NEFM: variants seen among roughly 807,000 people sequenced by gnomAD.
The protein encoded by NEFM is neurofilament medium polypeptide.
In NEFM, 16 loss-of-function variants were observed where a neutral mutation model predicts 48.1. That is an observed-to-expected ratio of 0.33 (90% confidence interval 0.23 to 0.51). The LOEUF is 0.51. Among genes scored for constraint, NEFM ranks in the 20% least tolerant of loss-of-function variants. The pLI is 0.98. For synonymous variants in NEFM, 465 were observed against 456.9 expected (o/e 1.02, Z -0.23); for missense variants, 1,107 against 1,136.0 (o/e 0.97, Z 0.37).
In NEFM at chr8:24,918,584, A is replaced by G; in HGVS notation, c.2729A>G (p.Lys910Arg). 4.3e-6 allele frequency: 7 copies of G among 1,611,914 alleles called. No homozygotes were observed. The highest frequency in any genetic ancestry group is 3.4e-6 in the Non-Finnish European group (4 of 1,179,712). Residue 910 changes from lysine to arginine, a missense_variant, in exon 3 of 3, where the codon AAG (lysine) becomes AGG (arginine). By Grantham distance (26) the Lys-to-Arg change is conservative. Coordinates refer to ENST00000221166, the MANE Select transcript of NEFM (RefSeq NM_005382.2). ...AAAGTCACTTCACACGCCATAGTAAAGGAAGTCACCCAGAGTGACTAAGAT... is the reference window on the plus strand; with the variant it reads ...AAAGTCACTTCACACGCCATAGTAAGGGAAGTCACCCAGAGTGACTAAGAT... The part of the protein sequence containing the change: ...VEKVTSHAIV[K>R]EVTQSD
At position 24,918,694 on chromosome 8, in the gene NEFM, T is replaced by C; in HGVS notation, c.*88T>C. ...CTTCAAAACAGAACGGGTTCTCCCA[T>C]GGGGGCTCCAGACATTGTATTTTAC... On this transcript the variant is annotated 3_prime_UTR_variant, in exon 3 of 3. Coordinates refer to ENST00000221166, the MANE Select transcript of NEFM (RefSeq NM_005382.2). 1.1e-6 allele frequency: 1 copy of C among 941,696 alleles called. No individual in the cohort carries two copies. The highest frequency in any genetic ancestry group is 1.7e-6 in the Non-Finnish European group (1 of 580,630). The allele number at this position is 941,696 out of a possible 1,614,324, so 58.3% of individuals were successfully genotyped here. A position where few individuals can be genotyped will look rare whatever the true frequency, so the allele number is the denominator to read the frequency against.
Position 24,915,618 on chromosome 8 carries a change from A to T in NEFM, c.1094A>T (p.Gln365Leu). 6.2e-7 allele frequency: 1 copy of T among 1,614,066 alleles called. No individual in the cohort carries two copies. Among genetic ancestry groups the T allele is most frequent in the South Asian group, 1.1e-5 (1 of 91,076 alleles). The change falls in exon 2 of 3, where the codon CAG (glutamine) becomes CTG (leucine). Residue 365 changes from glutamine (Q) to leucine (L), a missense_variant. Gln to Leu is a moderately radical substitution (Grantham distance 113). Around this residue, in one of 3 missense-constraint regions of NEFM, gnomAD observed 917 missense variants for 916.4 expected, o/e 1.00. Transcript: ENST00000221166. ...DLSSYQDTIQ[Q>L]LENELRGTKW... ...TGTCTGTTTCAGGACACCATCCAGC[A>T]GCTGGAAAATGAGCTTCGGGGCACA...
chr8:24,918,239 C>T lies in NEFM; in HGVS notation c.2384C>T (p.Ser795Phe). The T allele has an allele frequency of 1.3e-6, 2 of 1,569,038 alleles. No individual in the cohort carries two copies. Among genetic ancestry groups the T allele is most frequent in the Non-Finnish European group, 8.6e-7 (1 of 1,157,180 alleles). Reference sequence around the variant, plus strand: ...GGGAGTGATAAAGGTGCCAAGGGATCCAGGAAGGAAGACATAGCTGTCAAT... The same window carrying T: ...GGGAGTGATAAAGGTGCCAAGGGATTCAGGAAGGAAGACATAGCTGTCAAT... Reference protein sequence around the residue: ...EEGSDKGAKGSRKEDIAVNGE... With the variant: ...EEGSDKGAKGFRKEDIAVNGE... The change falls in exon 3 of 3, where the codon TCC (serine) becomes TTC (phenylalanine). Residue 795 changes from serine (S) to phenylalanine (F), a missense_variant. This residue lies in a region of NEFM where 917 missense variants were observed against 916.4 expected (regional missense o/e 1.00). Coordinates refer to ENST00000221166, the MANE Select transcript of NEFM (RefSeq NM_005382.2).
At position 24,916,120 on chromosome 8, in the gene NEFM, G is replaced by A. The variant is rs541333573; in HGVS notation, c.1205+391G>A. Among the ~76,000 whole-genome samples the A allele has an allele frequency of 7.9e-5, 12 of 152,192 alleles. No homozygotes were observed. In the East Asian group the frequency reaches 1.5e-3, roughly 20 times the overall value. On this transcript the variant is annotated intron_variant, in intron 2 of 2. Coordinates refer to ENST00000221166, the MANE Select transcript of NEFM (RefSeq NM_005382.2). ...TAATGTCAAGGACAAACACCAGGACGTTCTATTTCTCTGTTTCTCTGTTAT... is the reference window on the plus strand; with the variant it reads ...TAATGTCAAGGACAAACACCAGGACATTCTATTTCTCTGTTTCTCTGTTAT...
In NEFM at chr8:24,918,188, G is replaced by A; in HGVS notation, c.2333G>A (p.Gly778Glu). The change falls in exon 3 of 3, where the codon GGA becomes GAA. Residue 778 changes from glycine to glutamate, a missense_variant. Around this residue, in one of 3 missense-constraint regions of NEFM, gnomAD observed 917 missense variants for 916.4 expected, o/e 1.00. Transcript: ENST00000221166. ...CAGGAGAAAGAGAAGGAGAAAGCGG[G>A]AGGAGAGGGAGGAAGTGAGGAGGAA... is the stretch of plus-strand genomic sequence containing the variant. ...LQQEKEKEKAGGEGGSEEEGS... is the reference protein window; with the variant it reads ...LQQEKEKEKAEGEGGSEEEGS... 1 of 1,552,510 alleles carries A rather than the reference G, an allele frequency of 6.4e-7. No individual in the cohort carries two copies. The highest frequency in any genetic ancestry group is 1.7e-4 in the Middle Eastern group (1 of 5,998).
Position 24,918,113 on chromosome 8 carries a change from T to G in NEFM, c.2258T>G (p.Val753Gly). The part of the protein sequence containing the change: ...VAEVVTITKS[V>G]KVHLEKETKE... ...GAGGTGGTCACCATCACCAAATCGG[T>G]AAAGGTGCACTTGGAGAAAGAGACC... Residue 753 changes from valine to glycine, a missense_variant, in exon 3 of 3, where the codon GTA (valine) becomes GGA (glycine). This residue lies in a region of NEFM where 917 missense variants were observed against 916.4 expected (regional missense o/e 1.00). Transcript: ENST00000221166. 6 of 1,551,296 alleles carry G rather than the reference T, an allele frequency of 3.9e-6. No individual in the cohort carries two copies. Among genetic ancestry groups the G allele is most frequent in the Non-Finnish European group, 5.2e-6 (6 of 1,146,988 alleles).
In NEFM at chr8:24,915,627, A is replaced by C. The variant is rs1352656936; in HGVS notation, c.1103A>C (p.Asn368Thr). ...CAGGACACCATCCAGCAGCTGGAAA[A>C]TGAGCTTCGGGGCACAAAGTGGGAA... ...SYQDTIQQLE[N>T]ELRGTKWEMA... Residue 368 changes from asparagine to threonine, a missense_variant, in exon 2 of 3, where the codon AAT becomes ACT. Coordinates refer to ENST00000221166, the MANE Select transcript of NEFM (RefSeq NM_005382.2). 6.2e-7 allele frequency: 1 copy of C among 1,614,034 alleles called. No homozygotes were observed. Among genetic ancestry groups the C allele is most frequent in the African/African-American group, 1.3e-5 (1 of 74,988 alleles).
chr8:24,914,696 G>C lies in NEFM; in HGVS notation c.903G>C (p.Glu301Asp). The C allele has an allele frequency of 2.5e-6, 4 of 1,614,138 alleles. No individual in the cohort carries two copies. The highest frequency in any genetic ancestry group is 2.2e-5 in the East Asian group (1 of 44,878). ...WFKCRYAKLT[E>D]AAEQNKEAIR... is the part of the protein sequence containing the mutation. ...AATGCCGCTACGCCAAGCTCACCGAGGCGGCCGAGCAGAACAAGGAGGCCA... is the reference window on the plus strand; with the variant it reads ...AATGCCGCTACGCCAAGCTCACCGACGCGGCCGAGCAGAACAAGGAGGCCA... Residue 301 changes from glutamate to aspartate, a missense_variant, in exon 1 of 3, where the codon GAG becomes GAC. This residue lies in a region of NEFM where 917 missense variants were observed against 916.4 expected (regional missense o/e 1.00). Coordinates refer to ENST00000221166, the MANE Select transcript of NEFM (RefSeq NM_005382.2).
intron 1 of NEFM, 147 bp downstream of exon 1, chr8:24,915,020 G>T: frequency 7.2e-7 from 1 of 1,393,868 alleles, no homozygotes; most frequent in Non-Finnish European, 9.2e-7. Context: ...GGGTATTTGC[G>T]GATCAGCGTC....
chr8:24,917,324 A>C lies in NEFM; in HGVS notation c.1469A>C (p.Glu490Ala), dbSNP rs1586109085. ...LAVSMKEEKK[E>A]AAEEKEEEPE... Reference sequence around the variant, plus strand: ...GTTTCCATGAAGGAAGAGAAGAAAGAAGCAGCAGAAGAAAAGGAAGAGGAA... The same window carrying C: ...GTTTCCATGAAGGAAGAGAAGAAAGCAGCAGCAGAAGAAAAGGAAGAGGAA... The change falls in exon 3 of 3, where the codon GAA (glutamate) becomes GCA (alanine). Residue 490 changes from glutamate to alanine, a missense_variant. By Grantham distance (107) the Glu-to-Ala change is moderately radical. This residue lies in a region of NEFM where 917 missense variants were observed against 916.4 expected (regional missense o/e 1.00). Coordinates refer to ENST00000221166, the MANE Select transcript of NEFM (RefSeq NM_005382.2). The C allele has an allele frequency of 6.2e-7, 1 of 1,613,544 alleles. No homozygotes were observed. The highest frequency in any genetic ancestry group is 2.2e-5 in the East Asian group (1 of 44,864).
chr8:24,917,309 A>C lies in NEFM; in HGVS notation c.1454A>C (p.Lys485Thr). The change falls in exon 3 of 3, where the codon AAG (lysine) becomes ACG (threonine). Residue 485 changes from lysine to threonine, a missense_variant. Physicochemically the swap from Lys to Thr is moderately conservative, Grantham distance 78. Around this residue, in one of 3 missense-constraint regions of NEFM, gnomAD observed 917 missense variants for 916.4 expected, o/e 1.00. Transcript: ENST00000221166. ...ACAGAGGAATTGGCCGTTTCCATGA[A>C]GGAAGAGAAGAAAGAAGCAGCAGAA... ...AITEELAVSM[K>T]EEKKEAAEEK... The C allele has an allele frequency of 6.2e-7, 1 of 1,614,042 alleles. No individual in the cohort carries two copies. The highest frequency in any genetic ancestry group is 8.5e-7 in the Non-Finnish European group (1 of 1,180,014).
In NEFM at chr8:24,914,416, A is replaced by G; in HGVS notation, c.623A>G (p.Lys208Arg). The G allele has an allele frequency of 1.9e-6, 3 of 1,613,660 alleles. No individual in the cohort carries two copies. The highest frequency in any genetic ancestry group is 1.1e-5 in the South Asian group (1 of 91,088). ...GAGGCGGCCATCCGCGCGCTGCGCA[A>G]AGACATCGAGGAGGCGTCGCTGGTC... Reference protein sequence around the residue: ...DTEAAIRALRKDIEEASLVKV... With the variant: ...DTEAAIRALRRDIEEASLVKV... The change falls in exon 1 of 3, where the codon AAA becomes AGA. Residue 208 changes from lysine (K) to arginine (R), a missense_variant. Coordinates refer to ENST00000221166, the MANE Select transcript of NEFM (RefSeq NM_005382.2).
In NEFM at chr8:24,914,542, A is replaced by G; in HGVS notation, c.749A>G (p.Gln250Arg). The change falls in exon 1 of 3, where the codon CAG becomes CGG. Residue 250 changes from glutamine (Q) to arginine (R), a missense_variant. Coordinates refer to ENST00000221166, the MANE Select transcript of NEFM (RefSeq NM_005382.2). ...GTGGCCGACCTTCTGGCCCAGATCC[A>G]GGCATCGCACATCACGGTGGAGCGC... ...EEVADLLAQI[Q>R]ASHITVERKD... is the part of the protein sequence containing the mutation. The G allele has an allele frequency of 6.2e-7, 1 of 1,614,156 alleles. No homozygotes were observed. The highest frequency in any genetic ancestry group is 8.5e-7 in the Non-Finnish European group (1 of 1,180,030).
In NEFM at chr8:24,913,918, G is replaced by A. The variant is rs1802531557; in HGVS notation, c.125G>A (p.Arg42His). The A allele has an allele frequency of 6.2e-7, 1 of 1,610,870 alleles. No individual in the cohort carries two copies. Among genetic ancestry groups the A allele is most frequent in the African/African-American group, 1.3e-5 (1 of 74,908 alleles). Residue 42 changes from arginine to histidine, a missense_variant, in exon 1 of 3, where the codon CGC becomes CAC. Coordinates refer to ENST00000221166, the MANE Select transcript of NEFM (RefSeq NM_005382.2). ...SSGFRSQSWS[R>H]GSPSTVSSSY... Reference sequence around the variant, plus strand: ...GGCTTCCGCTCGCAGTCGTGGTCCCGCGGCTCGCCCAGCACCGTGTCCTCC... The same window carrying A: ...GGCTTCCGCTCGCAGTCGTGGTCCCACGGCTCGCCCAGCACCGTGTCCTCC...
rs760832005 is a variant in NEFM, at chr8:24,914,583, A to T, written c.790A>T (p.Thr264Ser). ...GGTGGAGCGCAAAGACTACCTGAAGACAGACATCTCGACGGCGCTGAAGGA... is the reference window on the plus strand; with the variant it reads ...GGTGGAGCGCAAAGACTACCTGAAGTCAGACATCTCGACGGCGCTGAAGGA... ...ITVERKDYLK[T>S]DISTALKEIR... The change falls in exon 1 of 3, where the codon ACA (threonine) becomes TCA (serine). Residue 264 changes from threonine to serine, a missense_variant. Coordinates refer to ENST00000221166, the MANE Select transcript of NEFM (RefSeq NM_005382.2). 4 of 1,614,160 alleles carry T rather than the reference A, an allele frequency of 2.5e-6. No individual in the cohort carries two copies. The highest frequency in any genetic ancestry group is 3.4e-6 in the Non-Finnish European group (4 of 1,180,030).
chr8:24,917,585 G>T lies in NEFM; in HGVS notation c.1730G>T (p.Gly577Val), dbSNP rs1563243358. 28 of 1,597,770 alleles carry T rather than the reference G, an allele frequency of 1.8e-5. No individual in the cohort carries two copies. The highest frequency in any genetic ancestry group is 2.4e-5 in the Non-Finnish European group (28 of 1,171,554). The change falls in exon 3 of 3, where the codon GGA becomes GTA. Residue 577 changes from glycine to valine, a missense_variant. Around this residue, in one of 3 missense-constraint regions of NEFM, gnomAD observed 917 missense variants for 916.4 expected, o/e 1.00. Transcript: ENST00000221166. ...EEGETEAEAEGEEAEAKEEKK... is the reference protein window; with the variant it reads ...EEGETEAEAEVEEAEAKEEKK... ...GGAGAAACAGAAGCTGAAGCTGAAG[G>T]AGAGGAAGCCGAAGCTAAAGAGGAA...
chr8:24,915,993 C>A (rs1802567617), intron 2 of NEFM, among the ~76,000 whole-genome samples: 3 of 152,204 alleles, frequency 2.0e-5, no homozygotes, highest in Non-Finnish European at 4.4e-5. Context: ...TCTCAATGCA[C>A]ATGCTTAAAC....
Position 24,919,086 on chromosome 8 carries a change from G to T in NEFM, c.*480G>T, listed in dbSNP as rs765426788. On this transcript the variant is annotated 3_prime_UTR_variant, in exon 3 of 3. Transcript: ENST00000221166. ...TACTTGCTCAATAAAGGTCATATTG[G>T]AAACATAGTCAATTGCTGAGTCTTA... 6.3e-6 allele frequency: 1 copy of T among 158,924 alleles called. No individual in the cohort carries two copies. Among genetic ancestry groups the T allele is most frequent in the Admixed American group, 6.1e-5 (1 of 16,428 alleles). The allele number at this position is 158,924 out of a possible 1,614,324, so 9.8% of individuals were successfully genotyped here.
intron 2 of NEFM, among the ~76,000 whole-genome samples, 190 bp from the exon 3 acceptor site, chr8:24,916,871 T>C (rs1274566861): frequency 6.6e-6 from 1 of 152,176 alleles, no homozygotes; most frequent in Non-Finnish European, 1.5e-5. Flanking sequence ...CAGGAGAATC[T>C]TTCTCTGTCA....
Sources: allele counts gnomAD v4.1 joint callset (sites outside exome capture counted in the v4.1 genomes callset), GRCh38; gene constraint gnomAD v4.1.1; regional missense constraint gnomAD v4.1.1; transcripts MANE v1.5; gene names NCBI Gene and HGNC (gene_info 2026-07-23, HGNC 2026-07-21).